The following ABCB11 variants were observed in gnomAD, a reference collection of about 807,000 sequenced individuals.
The protein encoded by ABCB11 is ATP binding cassette subfamily B member 11, also known as bile salt export pump.
Under a neutral mutation model 148.0 loss-of-function variants are expected in ABCB11, and 95 were observed. That is an observed-to-expected ratio of 0.64 (90% CI 0.54 to 0.76). ABCB11 has a LOEUF of 0.76. ABCB11 is among the 30% of genes least tolerant of loss of function. The probability of loss-of-function intolerance (pLI) is 0.00; values close to 1 mark genes in which losing one functional copy is unlikely to be tolerated. For synonymous variants in ABCB11, 591 were observed against 555.4 expected, an observed-to-expected ratio of 1.06 and a Z score of -0.90; for missense variants, 1,523 against 1,617.8, an observed-to-expected ratio of 0.94 and a Z score of 1.01.
intron 21 of ABCB11, among the ~76,000 whole-genome samples, chr2:168,943,262 G>T (rs1692148711): frequency 6.6e-6 from 1 of 151,864 alleles, no homozygotes. Context: ...AATGATGAGA[G>T]TGAAATTGGA....
At chr2:168,966,287 G>T (rs562324592) in intron 17 of ABCB11, among the ~76,000 whole-genome samples, 1 of 151,962 alleles carries the variant, frequency 6.6e-6, no homozygotes, top group South Asian at 2.1e-4. Flanking sequence ...AGCAGGAGAG[G>T]CCATCAACAT....
At chr2:168,976,522 A>G in intron 12 of ABCB11, 55 bp downstream of exon 12, 1 of 1,093,474 alleles carries the variant, frequency 9.1e-7, no homozygotes, top group South Asian at 1.8e-5. Flanking sequence ...GGTTATGCAA[A>G]TAAATCATCG....
At chr2:168,953,416 C>T (rs191515896) in intron 19 of ABCB11, among the ~76,000 whole-genome samples, 84 of 145,420 alleles carry the variant, frequency 5.8e-4, no homozygotes, top group South Asian at 2.1e-4. Flanking sequence ...ATTGTTATAA[C>T]GTTTTGTTGA....
chr2:168,969,591 G>T (rs777016491), intron 15 of ABCB11, 40 bp from the exon 16 acceptor site: 1 of 1,521,242 alleles, frequency 6.6e-7, no homozygotes, highest in Non-Finnish European at 9.1e-7. Flanking sequence ...AAAACTGTGA[G>T]ACAGAGCTGA....
chr2:168,970,635 G>C (rs1348629833), intron 14 of ABCB11: 1 of 302,936 alleles, frequency 3.3e-6, no homozygotes, highest in Non-Finnish European at 6.5e-6. Context: ...GGTCAAACTA[G>C]CTTTATAAGG....
intron 1 of ABCB11, among the ~76,000 whole-genome samples, chr2:169,020,498 A>T (rs951620760): frequency 6.6e-6 from 1 of 152,206 alleles, no homozygotes; most frequent in Non-Finnish European, 1.5e-5. Flanking sequence ...AACAGAAAAC[A>T]TAAATGAATA....
chr2:169,009,822 C>A (rs1357420339), intron 5 of ABCB11, among the ~76,000 whole-genome samples: 1 of 152,120 alleles, frequency 6.6e-6, no homozygotes, highest in African/African-American at 2.4e-5. Context: ...TAATTGTACA[C>A]TTCGAGTGGG....
intron 5 of ABCB11, among the ~76,000 whole-genome samples, chr2:169,011,826 T>A (rs1695197204): frequency 6.6e-6 from 1 of 152,142 alleles, no homozygotes. Flanking sequence ...AAAGCCAAGC[T>A]ATTTTTTAAA....
In ABCB11 at chr2:169,014,299, T is replaced by C; in HGVS notation, c.150+4A>G. 6.2e-7 allele frequency: 1 copy of C among 1,612,574 alleles called. No individual in the cohort carries two copies. The highest frequency in any genetic ancestry group is 8.5e-7 in the Non-Finnish European group (1 of 1,178,744). ...ACTGCCATAAATCAACACAGTTTTA[T>C]TACCAATTGAAAGAAGCCAACTCTA... On this transcript the variant is annotated splice_donor_region_variant and intron_variant, in intron 4 of 27. Coordinates refer to ENST00000650372, the MANE Select transcript of ABCB11 (RefSeq NM_003742.4).
At position 168,924,758 on chromosome 2, in the gene ABCB11, C is replaced by T; in HGVS notation, c.3664G>A (p.Gly1222Arg). Residue 1222 changes from glycine to arginine, a missense_variant, in exon 27 of 28, where the codon GGG (glycine) becomes AGG (arginine). Gly to Arg is a moderately radical substitution (Grantham distance 125, BLOSUM62 -2). Transcript: ENST00000650372. The stretch of plus-strand genomic sequence containing the variant: ...GCAATAGCAATGCGTTGTTTCTCCC[C>T]TCTAGAGAGTTGAGACCCCTGGGAC... ...VGSQGSQLSR[G>R]EKQRIAIARA... 6.2e-7 allele frequency: 1 copy of T among 1,613,634 alleles called. No individual in the cohort carries two copies. Among genetic ancestry groups the T allele is most frequent in the Non-Finnish European group, 8.5e-7 (1 of 1,179,776 alleles).
chr2:168,960,717 C>A (rs1046305806), intron 18 of ABCB11, among the ~76,000 whole-genome samples: 2 of 151,466 alleles, frequency 1.3e-5, no homozygotes, highest in Non-Finnish European at 3.0e-5. Flanking sequence ...AAAATCTGTC[C>A]CTAAATATTG....
At chr2:168,953,745 G>C (rs1340332871) in intron 19 of ABCB11, among the ~76,000 whole-genome samples, 2 of 151,514 alleles carry the variant, frequency 1.3e-5, no homozygotes, top group African/African-American at 4.8e-5. Flanking sequence ...AGTCAAATCG[G>C]GAACTGCTTA....
In ABCB11 at chr2:168,964,320, C is replaced by T. The variant is rs1380196807; in HGVS notation, c.2076-12G>A. 1 of 1,551,374 alleles carries T rather than the reference C, an allele frequency of 6.4e-7. No homozygotes were observed. The highest frequency in any genetic ancestry group is 1.9e-5 in the Admixed American group (1 of 51,522). ...GCCGGATGGAAGCCCTGTAAATAAA[C>T]AGAAAGATGAAACAGTGTAGACTGT... On this transcript the variant is annotated splice_polypyrimidine_tract_variant and intron_variant, in intron 17 of 27. Transcript: ENST00000650372.
rs113255196 is a variant in ABCB11, at chr2:168,959,010, TA to T, written c.2179-883del. ...AAAAATATATACAGCAAATCGACTA[TA>T]AAGCTTAATTAGTGCTCTCTTTCAT... On this transcript the variant is annotated intron_variant, in intron 18 of 27. Coordinates refer to ENST00000650372, the MANE Select transcript of ABCB11 (RefSeq NM_003742.4). Among the ~76,000 whole-genome samples, 452 of 151,866 alleles carry T rather than the reference TA, an allele frequency of 3.0e-3. 1 individual carries two copies. Among genetic ancestry groups the T allele is most frequent in the African/African-American group, 9.2e-3 (382 of 41,516 alleles).
chr2:168,986,406 C>G, intron 9 of ABCB11, 122 bp from the exon 10 acceptor site: 1 of 834,002 alleles, frequency 1.2e-6, no homozygotes, highest in South Asian at 1.7e-5. Context: ...CACAGAGCAG[C>G]TTCAGGGAGA....
chr2:168,982,649 T>G (rs1694170703), intron 10 of ABCB11, among the ~76,000 whole-genome samples: 1 of 152,166 alleles, frequency 6.6e-6, no homozygotes, highest in Non-Finnish European at 1.5e-5. Context: ...CGATTTTGTG[T>G]ATCACAAAAC....
intron 19 of ABCB11, among the ~76,000 whole-genome samples, chr2:168,949,492 T>A (rs1025831374): frequency 6.6e-6 from 1 of 151,696 alleles, no homozygotes; most frequent in African/African-American, 2.4e-5. Flanking sequence ...CTTAGGGTAA[T>A]GTCCTCCAGT....
Position 168,973,790 on chromosome 2 carries a change from C to G in ABCB11, c.1359G>C (p.Leu453=), listed in dbSNP as rs779856739. 1 of 1,612,020 alleles carries G rather than the reference C, an allele frequency of 6.2e-7. No individual in the cohort carries two copies. Among genetic ancestry groups the G allele is most frequent in the African/African-American group, 1.3e-5 (1 of 74,778 alleles). ...TTTTTCCAGCTCCACTGGGTCCTAC[C>G]AGAGCTGTCATTTCCCCTGGTTTAA... is the stretch of plus-strand genomic sequence containing the variant. ...MVIKPGEMTA[L]VGPSGAGKST... The change falls in exon 13 of 28, where the codon CTG becomes CTC. Residue 453 remains leucine (L), a synonymous_variant. Coordinates refer to ENST00000650372, the MANE Select transcript of ABCB11 (RefSeq NM_003742.4).
intron 10 of ABCB11, 54 bp downstream of exon 10, chr2:168,986,056 T>G: frequency 7.3e-7 from 1 of 1,361,950 alleles, no homozygotes; most frequent in Non-Finnish European, 9.7e-7. Context: ...ATCCATGGAC[T>G]TTTCTGAGAT....
Sources: allele counts gnomAD v4.1 joint callset (sites outside exome capture counted in the v4.1 genomes callset), GRCh38; gene constraint gnomAD v4.1.1; transcripts MANE v1.5; gene names NCBI Gene and HGNC (gene_info 2026-07-23, HGNC 2026-07-21).